The following CBFA2T3 variants were observed in gnomAD, a reference collection of about 807,000 sequenced individuals.
CBFA2T3 encodes CBFA2/RUNX1 partner transcriptional co-repressor 3.
Under a neutral mutation model 58.6 loss-of-function variants are expected in CBFA2T3, and 31 were observed. The ratio of observed to expected loss-of-function variants is 0.53; its 90% CI spans 0.40 to 0.71. CBFA2T3 has a LOEUF of 0.71. CBFA2T3 is among the 30% of genes least tolerant of loss of function. CBFA2T3 has a pLI of 0.00. For synonymous variants in CBFA2T3, 531 were observed against 421.9 expected (o/e 1.26, Z -3.17); for missense variants, 1,076 against 963.1 (o/e 1.12, Z -1.55).
intron 1 of CBFA2T3, among the ~76,000 whole-genome samples, chr16:88,920,110 C>T (rs73254270): frequency 0.016 from 2,447 of 152,290 alleles, 75 homozygotes; most frequent in African/African-American, 0.056. Flanking sequence ...AGGCGGTGTG[C>T]GCCCGAGGCC....
chr16:88,882,783 G>T, intron 7 of CBFA2T3, 22 bp from the exon 8 acceptor site: 2 of 1,480,912 alleles, frequency 1.4e-6, no homozygotes, highest in Non-Finnish European at 1.8e-6. Flanking sequence ...GGAGGTGCAC[G>T]CTTAGGTCCC....
chr16:88,908,953 G>A (rs917956370), intron 1 of CBFA2T3, among the ~76,000 whole-genome samples: 3 of 152,176 alleles, frequency 2.0e-5, no homozygotes, highest in African/African-American at 7.2e-5. Context: ...CTGAGGCACG[G>A]GCCCTGGGCA....
intron 1 of CBFA2T3, among the ~76,000 whole-genome samples, chr16:88,945,895 A>G (rs1220821044): frequency 6.6e-6 from 1 of 152,272 alleles, no homozygotes; most frequent in Non-Finnish European, 1.5e-5. Context: ...ATTCGTTTTT[A>G]CCAAAACTTA....
rs373796117 is a variant in CBFA2T3, at chr16:88,893,887, G to A, written c.380-1402C>T. Among the ~76,000 whole-genome samples the A allele has an allele frequency of 5.9e-5, 9 of 152,294 alleles. No individual in the cohort carries two copies. In the East Asian group the frequency reaches 1.4e-3, roughly 23 times the overall value. On this transcript the variant is annotated intron_variant, in intron 3 of 11. Coordinates refer to ENST00000268679, the MANE Select transcript of CBFA2T3 (RefSeq NM_005187.6). ...TGCCCTTGGCCTCAGGAGCCTGAGG[G>A]GCGGCCTCCAGGCTCTGAAGGCAGG...
intron 1 of CBFA2T3, among the ~76,000 whole-genome samples, chr16:88,934,857 A>C (rs192183969): frequency 6.6e-6 from 1 of 152,266 alleles, no homozygotes; most frequent in South Asian, 2.1e-4. Context: ...CTCCTGCCTC[A>C]GCCTCCCCAG....
chr16:88,876,888 C>T lies in CBFA2T3; in HGVS notation c.*88G>A. ...GGGGCGCAGTGTCTGGCAGGCCAGG[C>T]ATCGGAGGCCAGGCACAGCATCCGG... On this transcript the variant is annotated 3_prime_UTR_variant, in exon 12 of 12. Coordinates refer to ENST00000268679, the MANE Select transcript of CBFA2T3 (RefSeq NM_005187.6). The T allele has an allele frequency of 9.3e-7, 1 of 1,079,846 alleles. No homozygotes were observed. The highest frequency in any genetic ancestry group is 1.9e-5 in the South Asian group (1 of 52,582). The allele number at this position is 1,079,846 out of a possible 1,614,324, so 66.9% of individuals were successfully genotyped here. A position where few individuals can be genotyped will look rare whatever the true frequency, so the allele number is the denominator to read the frequency against.
At chr16:88,920,682 C>A (rs1414745943) in intron 1 of CBFA2T3, among the ~76,000 whole-genome samples, 1 of 152,184 alleles carries the variant, frequency 6.6e-6, no homozygotes, top group Non-Finnish European at 1.5e-5. Flanking sequence ...CCAAAGGCAC[C>A]AAAAGTGCAG....
intron 1 of CBFA2T3, among the ~76,000 whole-genome samples, chr16:88,925,357 T>C (rs1473065906): frequency 2.6e-5 from 4 of 152,132 alleles, no homozygotes; most frequent in Non-Finnish European, 5.9e-5. Context: ...GTACCCTGAC[T>C]CATCCACCAG....
rs182688991 is a variant in CBFA2T3, at chr16:88,953,804, G to T, written c.151+22853C>A. 6.6e-6 allele frequency among the ~76,000 whole-genome samples: 1 copy of T among 152,158 alleles called. No homozygotes were observed. Among genetic ancestry groups the T allele is most frequent in the Non-Finnish European group, 1.5e-5 (1 of 68,022 alleles). ...TGCACCCCCTGAATCTTAATCATAT[G>T]TGTCTCTGGGTTTCCCTTAAGGGGG... On this transcript the variant is annotated intron_variant, in intron 1 of 11. Transcript: ENST00000268679. This position sits in a 1 kb window ranked among gnomAD's most constrained non-coding sequence, Gnocchi z 4.9.
At chr16:88,898,394 G>C (rs576088542) in intron 2 of CBFA2T3, among the ~76,000 whole-genome samples, 1 of 152,166 alleles carries the variant, frequency 6.6e-6, no homozygotes. Flanking sequence ...GCCGTTTCCT[G>C]CTTCTCAGAG....
At chr16:88,903,749 G>A (rs1390566400) in intron 1 of CBFA2T3, among the ~76,000 whole-genome samples, 1 of 151,748 alleles carries the variant, frequency 6.6e-6, no homozygotes, top group Non-Finnish European at 1.5e-5. Context: ...TTGGGCCAGC[G>A]TGGGTTGGGC....
chr16:88,881,439 C>T lies in CBFA2T3; in HGVS notation c.1254G>A (p.Thr418=), dbSNP rs200201856. The T allele has an allele frequency of 2.0e-5, 32 of 1,609,764 alleles. No individual in the cohort carries two copies. The Middle Eastern group carries it at 1.2e-3, about 58-fold the overall frequency. The change falls in exon 9 of 12, where the codon ACG becomes ACA. Residue 418 remains threonine (T), a synonymous_variant. Coordinates refer to ENST00000268679, the MANE Select transcript of CBFA2T3 (RefSeq NM_005187.6). ...CGGCCTCCTGGCACCTGCGCAGCAC[C>T]GTGAGCGAGCGCCGCGTCTTCTCCA... ...DMVEKTRRSL[T]VLRRCQEADR...
chr16:88,949,855 CA>C (rs1972004652), intron 1 of CBFA2T3, among the ~76,000 whole-genome samples: 1 of 151,784 alleles, frequency 6.6e-6, no homozygotes, highest in Non-Finnish European at 1.5e-5. Context: ...TACTAAAACA[CA>C]AAAATTAGCT....
intron 1 of CBFA2T3, among the ~76,000 whole-genome samples, chr16:88,970,952 C>T (rs778892002): frequency 6.6e-6 from 1 of 151,922 alleles, no homozygotes; most frequent in African/African-American, 2.4e-5. Context: ...GGGGGCTCCT[C>T]GGCGAGGGCA....
intron 1 of CBFA2T3, among the ~76,000 whole-genome samples, chr16:88,910,524 C>A (rs1970498054): frequency 6.6e-6 from 1 of 152,356 alleles, no homozygotes; most frequent in Admixed American, 6.5e-5. Context: ...ACACTCCCAG[C>A]CTCAGTGTCC....
intron 1 of CBFA2T3, among the ~76,000 whole-genome samples, chr16:88,915,095 C>T (rs1970649701): frequency 6.6e-6 from 1 of 151,278 alleles, no homozygotes; most frequent in Non-Finnish European, 1.5e-5. Flanking sequence ...GGTCCCTTCT[C>T]TTGTCTCCAT....
chr16:88,901,402 G>T, intron 2 of CBFA2T3, 102 bp downstream of exon 2: 1 of 592,534 alleles, frequency 1.7e-6, no homozygotes. Context: ...AGGGCTCACA[G>T]AAGGTGCCCG....
At chr16:88,910,346 C>T (rs955197707) in intron 1 of CBFA2T3, among the ~76,000 whole-genome samples, 4 of 152,218 alleles carry the variant, frequency 2.6e-5, no homozygotes, top group African/African-American at 7.2e-5. Flanking sequence ...TGAGCCCACC[C>T]GCCTGTCCTG....
intron 1 of CBFA2T3, among the ~76,000 whole-genome samples, chr16:88,954,496 C>G (rs1972165142): frequency 7.3e-6 from 1 of 136,240 alleles, no homozygotes; most frequent in Non-Finnish European, 1.5e-5. Flanking sequence ...CTGACCCCGC[C>G]CAAGGCTCCT....
Sources: gnomAD v4.1 joint callset for allele counts (sites outside exome capture counted in the v4.1 genomes callset) on GRCh38, gnomAD v4.1.1 for gene constraint, Gnocchi (gnomAD v3.1) non-coding constraint, MANE v1.5 for transcripts, NCBI Gene and HGNC (gene_info 2026-07-23, HGNC 2026-07-21) for gene names.